POU2AF3: variants seen among roughly 807,000 people sequenced by gnomAD.
The protein encoded by POU2AF3 is cancer susceptibility candidate 13.
chr11:111,303,126 C>G, the POU2AF3 span, among the ~76,000 whole-genome samples: 2 of 152,156 alleles, frequency 1.3e-5, no homozygotes, highest in African/African-American at 4.8e-5. Context: ...GACAGACATT[C>G]AGTAAAGAAT....
At chr11:111,300,497 T>C in the POU2AF3 span, 1 of 1,160,184 alleles carries the variant, frequency 8.6e-7, no homozygotes, top group South Asian at 4.4e-5. Context: ...GACCTTGGAC[T>C]CGACCACTGA....
At chr11:111,298,829 C>CGG in the POU2AF3 span, 3 of 388,152 alleles carry the variant, frequency 7.7e-6, no homozygotes, top group Non-Finnish European at 1.3e-5. Context: ...ACCCCAGGCC[C>CGG]CCGCCCGCCC....
chr11:111,299,716 AG>A, the POU2AF3 span: 3 of 1,231,626 alleles, frequency 2.4e-6, no homozygotes, highest in Non-Finnish European at 3.0e-6. Flanking sequence ...TGCCCCAGAA[AG>A]GGAGGGGGTA....
the POU2AF3 span, chr11:111,298,827 C>A: frequency 1.3e-5 from 8 of 631,484 alleles, no homozygotes; most frequent in African/African-American, 1.9e-5. Flanking sequence ...GTACCCCAGG[C>A]CCCCGCCCGC....
the POU2AF3 span, chr11:111,300,756 G>A: frequency 3.9e-4 from 150 of 389,130 alleles, no homozygotes; most frequent in African/African-American, 2.3e-3. Context: ...CTGTTCCTAT[G>A]ACTTCTGTAC....
At chr11:111,305,095 C>G in the POU2AF3 span, 1 of 549,198 alleles carries the variant, frequency 1.8e-6, no homozygotes, top group Non-Finnish European at 2.7e-6. Context: ...TAATTGGAAT[C>G]CAACCAATCA....
the POU2AF3 span, among the ~76,000 whole-genome samples, chr11:111,305,965 A>C: frequency 3.9e-5 from 6 of 152,218 alleles, no homozygotes; most frequent in African/African-American, 1.4e-4. Context: ...AATCACCATA[A>C]GTCAAAAGAA....
chr11:111,304,683 T>G, the POU2AF3 span: 3 of 353,476 alleles, frequency 8.5e-6, no homozygotes, highest in African/African-American at 6.3e-5. Flanking sequence ...CGCAATTCTA[T>G]GCACCTGTCT....
the POU2AF3 span, chr11:111,306,618 A>G: frequency 6.4e-7 from 1 of 1,551,038 alleles, no homozygotes; most frequent in East Asian, 2.4e-5. Flanking sequence ...CTTTAACCAG[A>G]GCCTGGTAAT....
At chr11:111,300,605 CGGCCTCCGG>C in the POU2AF3 span, 1 of 1,231,304 alleles carries the variant, frequency 8.1e-7, no homozygotes, top group Non-Finnish European at 1.0e-6. Context: ...GCACACCAGG[CGGCCTCCGG>C]GGGAACCGTA....
the POU2AF3 span, chr11:111,298,832 G>A: frequency 2.4e-6 from 1 of 419,206 alleles, no homozygotes; most frequent in Non-Finnish European, 3.4e-6. Context: ...CCAGGCCCCC[G>A]CCCGCCCTCC....
At chr11:111,300,107 C>T in the POU2AF3 span, 1 of 383,210 alleles carries the variant, frequency 2.6e-6, no homozygotes, top group Non-Finnish European at 4.6e-6. Context: ...GAGAAAGCCC[C>T]CTGCCCCAGG....
the POU2AF3 span, chr11:111,299,163 C>A: frequency 1.1e-6 from 1 of 946,634 alleles, no homozygotes; most frequent in Non-Finnish European, 1.3e-6. Context: ...CCTGGGGAGA[C>A]CCTAACTCCT....
the POU2AF3 span, chr11:111,306,246 A>G: frequency 2.3e-6 from 1 of 443,916 alleles, no homozygotes; most frequent in South Asian, 7.2e-5. Flanking sequence ...ACAACTAAAG[A>G]GTCAAAATTG....
the POU2AF3 span, among the ~76,000 whole-genome samples, chr11:111,302,705 C>G: frequency 6.6e-6 from 1 of 152,228 alleles, no homozygotes; most frequent in Non-Finnish European, 1.5e-5. Context: ...AAAGCCTGCT[C>G]TACTTTGCTT....
the POU2AF3 span, among the ~76,000 whole-genome samples, chr11:111,306,800 G>A: frequency 6.6e-6 from 1 of 152,210 alleles, no homozygotes; most frequent in Non-Finnish European, 1.5e-5. Context: ...ACACACTGCA[G>A]GGCATAAACC....
chr11:111,308,300 G>A, the POU2AF3 span: 1 of 1,551,636 alleles, frequency 6.4e-7, no homozygotes, highest in Non-Finnish European at 8.7e-7. Flanking sequence ...CGCATCGTGT[G>A]AGGCAGAGGA....
the POU2AF3 span, chr11:111,299,563 C>A: frequency 8.3e-7 from 1 of 1,208,672 alleles, no homozygotes; most frequent in Non-Finnish European, 1.0e-6. Flanking sequence ...GCAGTCCGAC[C>A]GGGCCCCGCC....
At chr11:111,300,757 A>T in the POU2AF3 span, 1 of 386,492 alleles carries the variant, frequency 2.6e-6, no homozygotes, top group Non-Finnish European at 4.4e-6. Context: ...TGTTCCTATG[A>T]CTTCTGTACC....
Sources: gnomAD v4.1 joint callset for allele counts (sites outside exome capture counted in the v4.1 genomes callset) on GRCh38, gnomAD v4.1.1 for gene constraint, MANE v1.5 for transcripts, NCBI Gene and HGNC (gene_info 2026-07-23, HGNC 2026-07-21) for gene names.